The following ASAP1 variants were observed in gnomAD, a reference collection of about 807,000 sequenced individuals.
The protein encoded by ASAP1 is ArfGAP with SH3 domain, ankyrin repeat and PH domain 1.
In ASAP1, 43 loss-of-function variants were observed where a neutral mutation model predicts 145.2. The ratio of observed to expected loss-of-function variants is 0.30; its 90% confidence interval spans 0.23 to 0.38. ASAP1 has a LOEUF of 0.38. Among genes scored for constraint, ASAP1 ranks in the 10% least tolerant of loss-of-function variants. ASAP1 has a pLI of 1.00. For missense variants in ASAP1, 1,018 were observed against 1,355.3 expected (o/e 0.75, Z 3.91); for synonymous variants, 546 against 515.5 (o/e 1.06, Z -0.80).
chr8:130,187,420 A>ATTTT, intron 6 of ASAP1, 135 bp from the exon 7 acceptor site: 2 of 569,038 alleles, frequency 3.5e-6, no homozygotes, highest in Non-Finnish European at 6.1e-6. Flanking sequence ...ACGTTACACC[A>ATTTT]TTTTTTTTTT....
intron 3 of ASAP1, among the ~76,000 whole-genome samples, chr8:130,322,211 G>T (rs1003123612): frequency 1.3e-5 from 2 of 151,896 alleles, no homozygotes; most frequent in Non-Finnish European, 2.9e-5. Context: ...TAGGTATGCA[G>T]TGAAAAATTG....
chr8:130,237,289 A>G (rs1353214065), intron 3 of ASAP1, among the ~76,000 whole-genome samples: 1 of 152,096 alleles, frequency 6.6e-6, no homozygotes, highest in Admixed American at 6.6e-5. Context: ...CACTGAAGAA[A>G]TCTTAAGGCT....
At chr8:130,299,620 TAGAG>T (rs1352040856) in intron 3 of ASAP1, among the ~76,000 whole-genome samples, 4 of 152,146 alleles carry the variant, frequency 2.6e-5, no homozygotes, top group East Asian at 3.8e-4. Flanking sequence ...TGTGACAAGA[TAGAG>T]AGACTAAGTG....
At chr8:130,431,293 G>A (rs1830125628) in intron 1 of ASAP1, among the ~76,000 whole-genome samples, 1 of 152,116 alleles carries the variant, frequency 6.6e-6, no homozygotes, top group African/African-American at 2.4e-5. Flanking sequence ...CTTTCCAACA[G>A]GCAAGTATCA....
intron 7 of ASAP1, among the ~76,000 whole-genome samples, chr8:130,182,610 A>G (rs1009646994): frequency 6.6e-6 from 1 of 152,168 alleles, no homozygotes; most frequent in Non-Finnish European, 1.5e-5. Flanking sequence ...TGATGCATAT[A>G]AACTTTTAGT....
chr8:130,261,377 T>C (rs191659125), intron 3 of ASAP1, among the ~76,000 whole-genome samples: 13 of 152,354 alleles, frequency 8.5e-5, no homozygotes. Flanking sequence ...TCTGCCTATA[T>C]GCTACTTGCA....
chr8:130,357,723 A>G (rs933576712), intron 3 of ASAP1, among the ~76,000 whole-genome samples: 2 of 152,164 alleles, frequency 1.3e-5, no homozygotes, highest in African/African-American at 4.8e-5. Flanking sequence ...GGAAGCGCCG[A>G]ACAGTGCATG....
intron 4 of ASAP1, among the ~76,000 whole-genome samples, chr8:130,228,637 G>T (rs1817723717): frequency 6.6e-6 from 1 of 151,324 alleles, no homozygotes; most frequent in Non-Finnish European, 1.5e-5. Context: ...GGATGGCGAG[G>T]CTGAAGTGAG....
intron 2 of ASAP1, among the ~76,000 whole-genome samples, chr8:130,363,065 A>C (rs1358274087): frequency 6.6e-6 from 1 of 152,228 alleles, no homozygotes; most frequent in Admixed American, 6.5e-5. Context: ...TCTGAGTCTC[A>C]GTTTTCATAT....
rs1166149964 is a variant in ASAP1, at chr8:130,278,348, C to T, written c.187-41354G>A. On this transcript the variant is annotated intron_variant, in intron 3 of 29. Coordinates refer to ENST00000518721, the MANE Select transcript of ASAP1 (RefSeq NM_018482.4). ...ATTTTATTAAATTAAAAGGGTGTGG[C>T]AGGTTAAGTCCACCACTCCTGTGCT... Among the ~76,000 whole-genome samples the T allele has an allele frequency of 4.0e-5, 6 of 151,304 alleles. No individual in the cohort carries two copies. The South Asian group carries it at 1.3e-3, about 32-fold the overall frequency.
chr8:130,147,677 T>A (rs2097635418), intron 13 of ASAP1, among the ~76,000 whole-genome samples: 1 of 152,206 alleles, frequency 6.6e-6, no homozygotes, highest in Non-Finnish European at 1.5e-5. Flanking sequence ...AAAAGGCACA[T>A]ACAATAAGAT....
rs550762320 is a variant in ASAP1 at position 130,399,977 on chromosome 8, G to A, written c.59+1908C>T. Among the ~76,000 whole-genome samples, 3 of 152,192 alleles carry A rather than the reference G, an allele frequency of 2.0e-5. No individual in the cohort carries two copies. The South Asian group carries it at 6.2e-4, about 32-fold the overall frequency. Reference sequence around the variant, plus strand: ...TGGGATTACAGGCATGTGCCACCATGCCCAGCTAATTTTGTCTTTTTTAGT... The same window carrying A: ...TGGGATTACAGGCATGTGCCACCATACCCAGCTAATTTTGTCTTTTTTAGT... On this transcript the variant is annotated intron_variant, in intron 2 of 29. Transcript: ENST00000518721.
chr8:130,329,256 T>G (rs1178100503), intron 3 of ASAP1, among the ~76,000 whole-genome samples: 1 of 152,220 alleles, frequency 6.6e-6, no homozygotes, highest in Non-Finnish European at 1.5e-5. Context: ...TCCATCCTGG[T>G]CTCTGTTGCT....
intron 17 of ASAP1, among the ~76,000 whole-genome samples, chr8:130,125,209 TCA>T (rs2097573092): frequency 6.6e-6 from 1 of 152,150 alleles, no homozygotes; most frequent in Non-Finnish European, 1.5e-5. Context: ...AAAGACTCTC[TCA>T]CAGTGCACCA....
chr8:130,205,356 GA>G (rs1816138217), intron 5 of ASAP1, among the ~76,000 whole-genome samples: 1 of 124,354 alleles, frequency 8.0e-6, no homozygotes, highest in Non-Finnish European at 1.6e-5. Flanking sequence ...ATCCTACCTT[GA>G]AACACTGAAT....
At chr8:130,304,097 T>C (rs1822843628) in intron 3 of ASAP1, among the ~76,000 whole-genome samples, 1 of 152,146 alleles carries the variant, frequency 6.6e-6, no homozygotes. Context: ...GCTCGATTTT[T>C]CTGTAAATTT....
intron 27 of ASAP1, among the ~76,000 whole-genome samples, chr8:130,072,825 G>GTGCGTGCC: frequency 1.8e-5 from 1 of 54,098 alleles, no homozygotes; most frequent in Non-Finnish European, 3.6e-5. Flanking sequence ...GTGTGTGTGT[G>GTGCGTGCC]CGCGCGGGGG....
chr8:130,078,379 C>T (rs189805501), intron 26 of ASAP1, among the ~76,000 whole-genome samples: 1 of 152,224 alleles, frequency 6.6e-6, no homozygotes, highest in Non-Finnish European at 1.5e-5. Flanking sequence ...ACTGCAGCCT[C>T]AATTTCCTGG....
chr8:130,191,049 G>T (rs1815102269), intron 5 of ASAP1, among the ~76,000 whole-genome samples: 1 of 143,966 alleles, frequency 6.9e-6, no homozygotes. Context: ...CCGGGAAATA[G>T]TTTTTTTTTT....
Sources: gnomAD v4.1 joint callset for allele counts (sites outside exome capture counted in the v4.1 genomes callset) on GRCh38, gnomAD v4.1.1 for gene constraint, MANE v1.5 for transcripts, NCBI Gene and HGNC (gene_info 2026-07-23, HGNC 2026-07-21) for gene names.